HSD17B12: variants seen among roughly 807,000 people sequenced by gnomAD.
The protein encoded by HSD17B12 is hydroxysteroid 17-beta dehydrogenase 12.
HSD17B12 carries 32 observed loss-of-function variants against 39.3 expected under a neutral mutation model. That is an observed-to-expected ratio of 0.81 (90% CI 0.61 to 1.09). HSD17B12 has a LOEUF of 1.09. Among genes scored for constraint, HSD17B12 ranks in the 50% least tolerant of loss-of-function variants. The pLI is 0.00. For synonymous variants in HSD17B12, 150 were observed against 146.7 expected, an observed-to-expected ratio of 1.02 and a Z score of -0.16; for missense variants, 342 against 382.9, an observed-to-expected ratio of 0.89 and a Z score of 0.89.
At chr11:43,757,400 G>A (rs1449406663) in intron 3 of HSD17B12, among the ~76,000 whole-genome samples, 3 of 151,696 alleles carry the variant, frequency 2.0e-5, no homozygotes, top group African/African-American at 4.8e-5. Context: ...TTGGGAGGCC[G>A]AGGCGGGTGG....
At chr11:43,678,929 G>C (rs1590651163), upstream of HSD17B12, among the ~76,000 whole-genome samples, 1 of 152,080 alleles carries the variant, frequency 6.6e-6, no homozygotes, top group African/African-American at 2.4e-5. Flanking sequence ...CTCTTTTTTG[G>C]TTCCATATGA....
At chr11:43,656,484 T>C in the HSD17B12 span, among the ~76,000 whole-genome samples, 5 of 152,200 alleles carry the variant, frequency 3.3e-5, no homozygotes, top group African/African-American at 4.8e-5. Flanking sequence ...GTCTTTTAAT[T>C]GTGATGTTAG....
chr11:43,693,549 C>T (rs1325269972), intron 1 of HSD17B12, among the ~76,000 whole-genome samples: 7 of 152,140 alleles, frequency 4.6e-5, no homozygotes, highest in Non-Finnish European at 5.9e-5. Flanking sequence ...GTTAGTTGAT[C>T]CAATATCTCC....
chr11:43,754,394 G>A (rs1426597489), intron 3 of HSD17B12, among the ~76,000 whole-genome samples: 1 of 151,992 alleles, frequency 6.6e-6, no homozygotes, highest in Non-Finnish European at 1.5e-5. Context: ...CCAACATGGT[G>A]AAACCCCGTC....
At chr11:43,666,590 T>A in the HSD17B12 span, among the ~76,000 whole-genome samples, 3 of 152,184 alleles carry the variant, frequency 2.0e-5, no homozygotes, top group African/African-American at 7.2e-5. Flanking sequence ...GTGATCCACC[T>A]GCCTGGGCCT....
chr11:43,769,372 T>C (rs1950628294), intron 3 of HSD17B12, among the ~76,000 whole-genome samples: 1 of 152,258 alleles, frequency 6.6e-6, no homozygotes, highest in African/African-American at 2.4e-5. Flanking sequence ...TACAGTAATA[T>C]TTTAAATGTT....
At chr11:43,854,633 C>G in intron 9 of HSD17B12, 82 bp from the exon 10 acceptor site, 2 of 1,408,174 alleles carry the variant, frequency 1.4e-6, no homozygotes, top group Non-Finnish European at 2.0e-6. Context: ...CCACTAAGAG[C>G]AGTCAAGCAC....
intron 6 of HSD17B12, among the ~76,000 whole-genome samples, chr11:43,817,006 ATATCTATATCTATATCTATATCTATATC>A (rs1423948326): frequency 4.4e-5 from 1 of 22,934 alleles, no homozygotes; most frequent in Non-Finnish European, 1.3e-4. Context: ...ATCTATATCT[ATATCTATATCTATATCTATATCTATATC>A]TATATCTATA....
At chr11:43,616,446 A>G in the HSD17B12 span, among the ~76,000 whole-genome samples, 1 of 150,766 alleles carries the variant, frequency 6.6e-6, no homozygotes, top group East Asian at 1.9e-4. Flanking sequence ...CAAACAAACT[A>G]TATTCAGCAT....
At chr11:43,820,522 A>G in intron 6 of HSD17B12, among the ~76,000 whole-genome samples, 1 of 152,190 alleles carries the variant, frequency 6.6e-6, no homozygotes, top group East Asian at 1.9e-4. Context: ...GCCCTGGGGT[A>G]ACTTAAAAGA....
At chr11:43,827,295 A>T (rs555055230) in intron 6 of HSD17B12, among the ~76,000 whole-genome samples, 1 of 152,170 alleles carries the variant, frequency 6.6e-6, no homozygotes, top group Admixed American at 6.5e-5. Flanking sequence ...TTTGAACATT[A>T]TGCAATCATG....
intron 1 of HSD17B12, among the ~76,000 whole-genome samples, chr11:43,733,177 A>G (rs1335030116): frequency 1.3e-5 from 2 of 152,260 alleles, no homozygotes; most frequent in Non-Finnish European, 2.9e-5. Flanking sequence ...TGCACAGTGC[A>G]TTATTGCTGA....
At chr11:43,700,566 A>G (rs949531690) in intron 1 of HSD17B12, among the ~76,000 whole-genome samples, 4 of 152,114 alleles carry the variant, frequency 2.6e-5, no homozygotes, top group African/African-American at 7.2e-5. Context: ...TTTAGAGCCC[A>G]TAAGTAAGAG....
chr11:43,681,112 C>T (rs1949740226), intron 1 of HSD17B12, 125 bp downstream of exon 1: 10 of 1,361,182 alleles, frequency 7.3e-6, no homozygotes, highest in Non-Finnish European at 9.4e-6. Context: ...TCTCAGGCTC[C>T]TGTGCCCCGC....
At chr11:43,675,610 A>T in the HSD17B12 span, among the ~76,000 whole-genome samples, 4 of 70,412 alleles carry the variant, frequency 5.7e-5, no homozygotes, top group African/African-American at 2.2e-4. Context: ...TAATTTACTT[A>T]AAAAAAAAAA....
At chr11:43,777,070 G>A (rs1259861038) in intron 3 of HSD17B12, among the ~76,000 whole-genome samples, 5 of 152,134 alleles carry the variant, frequency 3.3e-5, no homozygotes, top group African/African-American at 1.2e-4. Context: ...TTTGGCCTAG[G>A]ATTGACTTGG....
the HSD17B12 span, among the ~76,000 whole-genome samples, chr11:43,574,329 G>A: frequency 1.3e-5 from 2 of 152,190 alleles, no homozygotes; most frequent in Non-Finnish European, 2.9e-5. Flanking sequence ...GGCATCAAAG[G>A]AAACCATTGC....
At chr11:43,769,063 C>T (rs535516525) in intron 3 of HSD17B12, among the ~76,000 whole-genome samples, 139 of 152,176 alleles carry the variant, frequency 9.1e-4, no homozygotes, top group Non-Finnish European at 1.6e-3. Flanking sequence ...CCTCAGCCTC[C>T]CAAGAAGCTA....
chr11:43,757,293 G>C (rs543370030), intron 3 of HSD17B12, among the ~76,000 whole-genome samples: 96 of 152,270 alleles, frequency 6.3e-4, no homozygotes, highest in African/African-American at 2.3e-3. Flanking sequence ...GAACAAGGTG[G>C]CATGCAGTCC....
Sources: allele counts gnomAD v4.1 joint callset (sites outside exome capture counted in the v4.1 genomes callset), GRCh38; gene constraint gnomAD v4.1.1; transcripts MANE v1.5; gene names NCBI Gene and HGNC (gene_info 2026-07-23, HGNC 2026-07-21).